The following TENM1 variants were observed in gnomAD, a reference collection of about 807,000 sequenced individuals.
TENM1 encodes the protein teneurin-1.
TENM1 carries 35 observed loss-of-function variants against 174.8 expected under a neutral mutation model. That is an observed-to-expected ratio of 0.20 (90% CI 0.15 to 0.27). The LOEUF is 0.27. Ranked by LOEUF, TENM1 falls within the 10% of genes least tolerant of loss-of-function variation. The pLI, the probability that TENM1 is intolerant of heterozygous loss-of-function variation, is 1.00. For missense variants in TENM1, 1,633 were observed against 2,130.1 expected, an observed-to-expected ratio of 0.77 and a Z score of 4.59; for synonymous variants, 781 against 798.7, an observed-to-expected ratio of 0.98 and a Z score of 0.37.
chrX:125,120,483 C>T, the TENM1 span, among the ~76,000 whole-genome samples: 1 of 109,951 alleles, frequency 9.1e-6, no homozygotes, highest in Non-Finnish European at 1.9e-5. Context: ...GCCCCCCACA[C>T]GGCCCCAGTA....
intron 22 of TENM1, among the ~76,000 whole-genome samples, chrX:124,461,293 G>A (rs1381333005): frequency 8.9e-6 from 1 of 111,753 alleles, no homozygotes; most frequent in Non-Finnish European, 1.9e-5. Flanking sequence ...TATTGTTGGT[G>A]GAAATGTAAA....
the TENM1 span, among the ~76,000 whole-genome samples, chrX:124,994,129 A>G: frequency 9.2e-6 from 1 of 108,863 alleles, no homozygotes; most frequent in South Asian, 4.0e-4. Context: ...ATATAGGTAT[A>G]TCCCCCTCAA....
intron 3 of TENM1, among the ~76,000 whole-genome samples, chrX:124,786,435 C>T (rs1175913210): frequency 8.9e-6 from 1 of 111,899 alleles, no homozygotes; most frequent in East Asian, 2.8e-4. Flanking sequence ...ACTACTCCCT[C>T]TAACACCTAC....
rs777405403 is a variant in TENM1, at chrX:124,560,270, AC to A, written c.2434+1400del. Among the ~76,000 whole-genome samples, 21 of 100,654 alleles carry A rather than the reference AC, an allele frequency of 2.1e-4. No individual in the cohort carries two copies. The South Asian group carries it at 0.01, about 50-fold the overall frequency. The allele number at this position is 100,654 out of a possible 115,157, so 87.4% of individuals were successfully genotyped here. On this transcript the variant is annotated intron_variant, in intron 14 of 31. Coordinates refer to ENST00000422452, the Ensembl canonical transcript of TENM1. ...TAGTTTACTATCTTTCAAGTGGCTC[AC>A]TTGAACTATCTCATTTAATACTTAT...
chrX:124,814,513 C>A (rs1361261480), intron 3 of TENM1, among the ~76,000 whole-genome samples: 2 of 110,430 alleles, frequency 1.8e-5, no homozygotes, highest in Admixed American at 1.9e-4. Flanking sequence ...TCCTTCTCTG[C>A]TCCTTATCCT....
chrX:124,753,624 T>C (rs2054142701), intron 3 of TENM1, among the ~76,000 whole-genome samples: 1 of 109,033 alleles, frequency 9.2e-6, no homozygotes, highest in Non-Finnish European at 1.9e-5. Flanking sequence ...TGGCTGTGGG[T>C]TTGTCATAGA....
At chrX:124,932,769 G>T (rs1014879922) in intron 1 of TENM1, among the ~76,000 whole-genome samples, 1 of 112,239 alleles carries the variant, frequency 8.9e-6, no homozygotes, top group African/African-American at 3.2e-5. Flanking sequence ...TTGTGTGTAA[G>T]AATCAGTGTA....
intron 3 of TENM1, among the ~76,000 whole-genome samples, chrX:124,771,890 C>A (rs1053408767): frequency 2.7e-5 from 3 of 111,631 alleles, no homozygotes; most frequent in African/African-American, 9.8e-5. Context: ...CCTATTAATT[C>A]AGGCCAGTTG....
the TENM1 span, among the ~76,000 whole-genome samples, chrX:125,163,426 T>C: frequency 9.0e-6 from 1 of 111,077 alleles, no homozygotes; most frequent in African/African-American, 3.3e-5. Flanking sequence ...TTAGGTTGGC[T>C]ATTAGGAACA....
intron 6 of TENM1, among the ~76,000 whole-genome samples, chrX:124,662,501 T>TA (rs755813734): frequency 9.9e-4 from 106 of 107,463 alleles, no homozygotes; most frequent in African/African-American, 3.3e-3. Flanking sequence ...GAAAAATTTG[T>TA]AAAAAAACTA....
At chrX:124,906,206 G>C (rs1348295879) in intron 1 of TENM1, among the ~76,000 whole-genome samples, 1 of 111,964 alleles carries the variant, frequency 8.9e-6, no homozygotes, top group East Asian at 2.8e-4. Context: ...ATAATAAAGT[G>C]CTGACTATCT....
chrX:124,778,927 C>G (rs978649859), intron 3 of TENM1, among the ~76,000 whole-genome samples: 1 of 111,843 alleles, frequency 8.9e-6, no homozygotes. Context: ...TTTAACCAAA[C>G]AATTCATCTT....
chrX:124,490,668 T>C (rs2047047254), intron 20 of TENM1, among the ~76,000 whole-genome samples: 1 of 112,410 alleles, frequency 8.9e-6, no homozygotes, highest in African/African-American at 3.2e-5. Context: ...GCTCTTATTT[T>C]CTTATCTCTT....
At chrX:125,112,733 T>G in the TENM1 span, among the ~76,000 whole-genome samples, 1 of 111,551 alleles carries the variant, frequency 9.0e-6, no homozygotes, top group Non-Finnish European at 1.9e-5. Context: ...AATTTGTTAT[T>G]ATATATAGGC....
chrX:124,965,200 C>T (rs2058710653), upstream of TENM1, among the ~76,000 whole-genome samples: 1 of 111,122 alleles, frequency 9.0e-6, no homozygotes, highest in Non-Finnish European at 1.9e-5. Context: ...GCCTCAGCCT[C>T]CCGAGTAGCT....
chrX:125,033,490 G>A, the TENM1 span, among the ~76,000 whole-genome samples: 2 of 111,690 alleles, frequency 1.8e-5, no homozygotes, highest in East Asian at 5.7e-4. Context: ...AGACAAAGCT[G>A]TGACGATACA....
At chrX:125,138,223 T>A in the TENM1 span, among the ~76,000 whole-genome samples, 1 of 106,896 alleles carries the variant, frequency 9.4e-6, no homozygotes, top group Non-Finnish European at 1.9e-5. Flanking sequence ...TTGACACACC[T>A]CAGGGAGACA....
intron 11 of TENM1, among the ~76,000 whole-genome samples, chrX:124,633,488 G>A (rs1429467732): frequency 4.5e-5 from 5 of 111,630 alleles, no homozygotes; most frequent in Non-Finnish European, 9.4e-5. Flanking sequence ...ATTGTTGCCT[G>A]CTAATAATGG....
the TENM1 span, among the ~76,000 whole-genome samples, chrX:125,176,690 A>G: frequency 9.0e-6 from 1 of 111,408 alleles, no homozygotes; most frequent in African/African-American, 3.3e-5. Context: ...TAAATATTTC[A>G]TCTGTCTGAA....
Sources: gnomAD v4.1 joint callset for allele counts (sites outside exome capture counted in the v4.1 genomes callset) on GRCh38, gnomAD v4.1.1 for gene constraint, MANE v1.5 for transcripts, NCBI Gene and HGNC (gene_info 2026-07-23, HGNC 2026-07-21) for gene names.